NTM: variants seen among roughly 807,000 people sequenced by gnomAD.
The protein encoded by NTM is IgLON family member 2.
NTM carries 13 observed loss-of-function variants against 42.1 expected under a neutral mutation model. The ratio of observed to expected loss-of-function variants is 0.31; its 90% confidence interval spans 0.20 to 0.49. The LOEUF (loss-of-function observed/expected upper bound fraction) is 0.49. Ranked by LOEUF, NTM falls within the 20% of genes least tolerant of loss-of-function variation. NTM has a pLI of 0.99. For missense variants in NTM, 373 were observed against 452.8 expected (o/e 0.82, Z 1.60); for synonymous variants, 187 against 179.2 (o/e 1.04, Z -0.35).
chr11:132,072,953 C>T (rs778097941), intron 2 of NTM, among the ~76,000 whole-genome samples: 14 of 152,178 alleles, frequency 9.2e-5, no homozygotes, highest in Admixed American at 9.2e-4. Context: ...GAAAGTTACT[C>T]TATGGCCAGA....
intron 4 of NTM, among the ~76,000 whole-genome samples, chr11:132,292,770 CA>C (rs553861188): frequency 2.2e-3 from 85 of 39,402 alleles, no homozygotes; most frequent in Admixed American, 3.9e-3. Flanking sequence ...TAAATTTTAT[CA>C]AAAGGGATGT....
At chr11:131,616,778 G>GGTGTGTGTGT (rs59890572) in intron 1 of NTM, among the ~76,000 whole-genome samples, 29 of 141,980 alleles carry the variant, frequency 2.0e-4, no homozygotes, top group Middle Eastern at 3.4e-3. Flanking sequence ...GTCTTGAGGG[G>GGTGTGTGTGT]GTGTGTGTGT....
intron 1 of NTM, among the ~76,000 whole-genome samples, chr11:131,643,315 C>T (rs1416781748): frequency 2.0e-5 from 3 of 152,206 alleles, no homozygotes; most frequent in African/African-American, 7.2e-5. Flanking sequence ...TTTGTTCTGG[C>T]CGTGCCAGTC....
intron 2 of NTM, among the ~76,000 whole-genome samples, chr11:131,956,599 G>A (rs571444740): frequency 1.3e-5 from 2 of 152,004 alleles, no homozygotes; most frequent in Non-Finnish European, 2.9e-5. Flanking sequence ...TCGGTGTCTC[G>A]GGGGGTTGGG....
intron 1 of NTM, among the ~76,000 whole-genome samples, chr11:131,380,976 G>A (rs183469459): frequency 1.3e-5 from 2 of 152,110 alleles, no homozygotes; most frequent in Non-Finnish European, 2.9e-5. Flanking sequence ...CCGTATATTA[G>A]TAATCCCTCC....
chr11:131,628,369 G>A (rs551410052), intron 1 of NTM, among the ~76,000 whole-genome samples: 12 of 152,160 alleles, frequency 7.9e-5, no homozygotes, highest in African/African-American at 2.2e-4. Flanking sequence ...TAATAGGCCC[G>A]GCCCAGTATT....
intron 2 of NTM, among the ~76,000 whole-genome samples, chr11:132,015,838 A>G (rs1016727830): frequency 6.6e-5 from 10 of 151,932 alleles, no homozygotes; most frequent in African/African-American, 2.4e-4. Context: ...AGGTTTTTCT[A>G]AATACAAGAT....
chr11:131,388,019 C>T (rs1050906024), intron 1 of NTM, among the ~76,000 whole-genome samples: 1 of 152,132 alleles, frequency 6.6e-6, no homozygotes, highest in Non-Finnish European at 1.5e-5. Context: ...TCAAGAAGCC[C>T]TTCAGGATAT....
intron 2 of NTM, among the ~76,000 whole-genome samples, chr11:131,931,507 G>GTA (rs2058623045): frequency 6.8e-6 from 1 of 146,634 alleles, no homozygotes; most frequent in East Asian, 2.0e-4. Context: ...GTGTGTGTAT[G>GTA]TGTGTGTGTT....
intron 1 of NTM, among the ~76,000 whole-genome samples, chr11:131,387,293 G>A (rs1306173685): frequency 6.6e-6 from 1 of 151,642 alleles, no homozygotes; most frequent in Non-Finnish European, 1.5e-5. Context: ...CCCTTTCTTG[G>A]AGCTCTCTCT....
intron 1 of NTM, among the ~76,000 whole-genome samples, chr11:131,446,381 T>C (rs1012243418): frequency 1.5e-4 from 23 of 152,144 alleles, no homozygotes; most frequent in Non-Finnish European, 2.5e-4. Flanking sequence ...TCCCAGCTGT[T>C]CTTCTCCCAA....
intron 3 of NTM, among the ~76,000 whole-genome samples, chr11:132,173,766 A>G (rs1180091902): frequency 6.6e-6 from 1 of 152,198 alleles, no homozygotes; most frequent in Non-Finnish European, 1.5e-5. Flanking sequence ...TGGAGCTAGG[A>G]CGAGAAGTCA....
intron 3 of NTM, among the ~76,000 whole-genome samples, chr11:132,176,375 A>G (rs1372559318): frequency 1.3e-5 from 2 of 152,196 alleles, no homozygotes; most frequent in African/African-American, 2.4e-5. Flanking sequence ...AAAGAAAAAA[A>G]AAACCTGTTT....
chr11:131,680,771 A>C (rs375580755), intron 1 of NTM, among the ~76,000 whole-genome samples: 1 of 100,420 alleles, frequency 1.0e-5, no homozygotes, highest in Non-Finnish European at 2.1e-5. Flanking sequence ...GATCATGCCT[A>C]TGTCTATGTG....
intron 1 of NTM, among the ~76,000 whole-genome samples, chr11:131,887,548 C>T (rs781185815): frequency 1.2e-4 from 19 of 152,290 alleles, no homozygotes; most frequent in Admixed American, 4.6e-4. Context: ...TATCTGATTC[C>T]GCTCTCCAAT....
intron 1 of NTM, among the ~76,000 whole-genome samples, chr11:131,554,326 T>C (rs182657853): frequency 2.6e-5 from 4 of 152,332 alleles, no homozygotes; most frequent in Middle Eastern, 6.8e-3. Context: ...GAACCTGTGA[T>C]GGTTTGAGGC....
intron 1 of NTM, chr11:131,877,729 A>G (rs1364233888): frequency 6.6e-6 from 1 of 152,216 alleles, no homozygotes; most frequent in Non-Finnish European, 1.5e-5. Flanking sequence ...TAACTCGTAT[A>G]TGTTTCATTG....
At chr11:131,758,132 C>T (rs1428329673) in intron 1 of NTM, among the ~76,000 whole-genome samples, 1 of 152,180 alleles carries the variant, frequency 6.6e-6, no homozygotes, top group Non-Finnish European at 1.5e-5. Flanking sequence ...TCAACAGAGA[C>T]TATTTTAGTC....
chr11:132,060,059 T>A (rs2080392395), intron 2 of NTM, among the ~76,000 whole-genome samples: 1 of 152,154 alleles, frequency 6.6e-6, no homozygotes, highest in African/African-American at 2.4e-5. Context: ...GCAGTGTGCA[T>A]CCAGGAGGGG....
Sources: allele counts gnomAD v4.1 joint callset (sites outside exome capture counted in the v4.1 genomes callset), GRCh38; gene constraint gnomAD v4.1.1; transcripts MANE v1.5; gene names NCBI Gene and HGNC (gene_info 2026-07-23, HGNC 2026-07-21).